Variants in CNGB1 observed in about 807,000 individuals in gnomAD.
The protein encoded by CNGB1 is cyclic nucleotide-gated channel beta-1.
A neutral mutation model predicts 151.7 loss-of-function variants in CNGB1; 126 were observed. That is an observed-to-expected ratio of 0.83 (90% CI 0.72 to 0.96). The LOEUF is 0.96. CNGB1 is among the 40% of genes least tolerant of loss of function. The pLI, the probability that CNGB1 is intolerant of heterozygous loss-of-function variation, is 0.00. For synonymous variants in CNGB1, 623 were observed against 635.1 expected (o/e 0.98, Z 0.29); for missense variants, 1,698 against 1,627.0 (o/e 1.04, Z -0.75).
At chr16:57,899,867 T>C (rs17240980) in intron 29 of CNGB1, among the ~76,000 whole-genome samples, 10,052 of 152,260 alleles carry the variant, frequency 0.066, 395 homozygotes, top group South Asian at 0.12. Context: ...CCGGGGTGTC[T>C]CAGAGAGATC....
At chr16:57,891,791 A>C (rs1272428166) in intron 31 of CNGB1, among the ~76,000 whole-genome samples, 8 of 152,134 alleles carry the variant, frequency 5.3e-5, no homozygotes, top group Non-Finnish European at 8.8e-5. Flanking sequence ...TCCTGACCTC[A>C]GGTGATCCAC....
chr16:57,950,626 C>CTGCAGGGAGCT, intron 12 of CNGB1, 86 bp from the exon 13 acceptor site: 1 of 1,488,820 alleles, frequency 6.7e-7, no homozygotes, highest in Non-Finnish European at 9.3e-7. Context: ...TGCAGGGAGC[C>CTGCAGGGAGCT]CTGGCTGTCG....
At chr16:57,950,645 G>T in intron 12 of CNGB1, 105 bp from the exon 13 acceptor site, 4 of 1,153,428 alleles carry the variant, frequency 3.5e-6, no homozygotes, top group Non-Finnish European at 3.8e-6. Context: ...CGCCAGCAGT[G>T]CCTCAGTGCT....
At chr16:57,915,487 C>A in intron 22 of CNGB1, 152 bp from the exon 23 acceptor site, 1 of 692,352 alleles carries the variant, frequency 1.4e-6, no homozygotes, top group Non-Finnish European at 2.6e-6. Context: ...GGTGTCCCAC[C>A]GACAAGCCCT....
chr16:57,938,735 C>T lies in CNGB1; in HGVS notation c.1372+695G>A, dbSNP rs757785558. On this transcript the variant is annotated intron_variant, in intron 16 of 32. Transcript: ENST00000251102. ...TCACAGAGCGGCTGAAGACCCATTG[C>T]GTGGGGAATGTGGAGTGTAAGGCAC... is the stretch of plus-strand genomic sequence containing the variant. Among the ~76,000 whole-genome samples the T allele has an allele frequency of 4.6e-5, 7 of 152,246 alleles. No homozygotes were observed. The South Asian group carries it at 1.2e-3, about 27-fold the overall frequency.
chr16:57,938,716 A>G (rs1961577353), intron 16 of CNGB1, among the ~76,000 whole-genome samples: 1 of 152,094 alleles, frequency 6.6e-6, no homozygotes, highest in Non-Finnish European at 1.5e-5. Context: ...TGCCTCACAG[A>G]GCGGCTGAAG....
At chr16:57,913,670 A>C (rs1444461643) in intron 23 of CNGB1, among the ~76,000 whole-genome samples, 1 of 152,124 alleles carries the variant, frequency 6.6e-6, no homozygotes, top group Non-Finnish European at 1.5e-5. Flanking sequence ...TTGTAGAGAC[A>C]GAGTCTCACT....
intron 12 of CNGB1, among the ~76,000 whole-genome samples, chr16:57,953,031 C>G (rs116165865): frequency 0.012 from 1,832 of 152,272 alleles, 30 homozygotes; most frequent in African/African-American, 0.041. Flanking sequence ...TCTCTACAGG[C>G]AGCTGATTCA....
At chr16:57,933,042 C>T (rs781132014) in intron 16 of CNGB1, among the ~76,000 whole-genome samples, 5 of 152,114 alleles carry the variant, frequency 3.3e-5, no homozygotes, top group South Asian at 2.1e-4. Flanking sequence ...GTGATCTTCC[C>T]GGCAGCCTCC....
chr16:57,917,649 C>T (rs867595143), intron 20 of CNGB1, among the ~76,000 whole-genome samples, 173 bp from the exon 21 acceptor site: 3 of 146,500 alleles, frequency 2.0e-5, no homozygotes, highest in Non-Finnish European at 3.0e-5. Context: ...CACACACACA[C>T]ATACACACAC....
chr16:57,955,895 C>T (rs1025312449), intron 12 of CNGB1, among the ~76,000 whole-genome samples: 1 of 152,198 alleles, frequency 6.6e-6, no homozygotes, highest in Non-Finnish European at 1.5e-5. Context: ...GGACTTCTGG[C>T]TCCTGAACTG....
At chr16:57,949,275 CAA>C in intron 14 of CNGB1, 76 bp downstream of exon 14, 1 of 1,598,336 alleles carries the variant, frequency 6.3e-7, no homozygotes, top group Non-Finnish European at 8.5e-7. Flanking sequence ...CCATGAGCAG[CAA>C]AGAGTGCCCA....
rs548548999 is a variant in CNGB1 at position 57,883,993 on chromosome 16, C to T, written c.*171G>A. On this transcript the variant is annotated 3_prime_UTR_variant, in exon 33 of 33. Transcript: ENST00000251102. ...GGCCCAGCCCCGCGAGGAGCTGAGT[C>T]GGGGCTGGCGTGCTGGCGGGACGGT... is the stretch of plus-strand genomic sequence containing the variant. 1.8e-5 allele frequency: 16 copies of T among 874,510 alleles called. No homozygotes were observed. The highest frequency in any genetic ancestry group is 1.8e-4 in the African/African-American group (11 of 60,180). 54.2% of individuals were successfully genotyped at this position (874,510 alleles called of 1,614,324 possible).
chr16:57,964,881 T>C (rs1381570856), intron 2 of CNGB1, among the ~76,000 whole-genome samples: 1 of 152,154 alleles, frequency 6.6e-6, no homozygotes, highest in African/African-American at 2.4e-5. Context: ...TTATGAAGCC[T>C]TGGGGCTGGC....
intron 6 of CNGB1, 50 bp downstream of exon 6, chr16:57,962,784 GCAGCCCCT>G (rs1174799606): frequency 5.6e-6 from 9 of 1,604,480 alleles, no homozygotes; most frequent in East Asian, 2.2e-5. Context: ...GCCCATCCCA[GCAGCCCCT>G]CAGCCCCTCA....
intron 18 of CNGB1, 184 bp downstream of exon 18, chr16:57,923,089 T>G: frequency 2.0e-6 from 1 of 496,718 alleles, no homozygotes; most frequent in Admixed American, 3.2e-5. Context: ...CCACTGGATT[T>G]AACAGGACTC....
intron 26 of CNGB1, 51 bp from the exon 27 acceptor site, chr16:57,904,032 G>A (rs1311761989): frequency 7.6e-6 from 12 of 1,570,832 alleles, no homozygotes; most frequent in Admixed American, 6.8e-5. Flanking sequence ...CATTGGGGGT[G>A]GGCGCTATTC....
intron 29 of CNGB1, among the ~76,000 whole-genome samples, chr16:57,900,164 A>G (rs1474038059): frequency 1.3e-5 from 2 of 152,200 alleles, no homozygotes; most frequent in East Asian, 3.9e-4. Flanking sequence ...AGGGCAAGCC[A>G]CTTGCCCAAG....
intron 16 of CNGB1, 46 bp downstream of exon 16, chr16:57,939,384 C>T (rs199619981): frequency 5.6e-6 from 9 of 1,613,008 alleles, no homozygotes; most frequent in African/African-American, 1.3e-5. Flanking sequence ...CCTAAAAGGA[C>T]CTCAGACATT....
Sources: allele counts gnomAD v4.1 joint callset (sites outside exome capture counted in the v4.1 genomes callset), GRCh38; gene constraint gnomAD v4.1.1; transcripts MANE v1.5; gene names NCBI Gene and HGNC (gene_info 2026-07-23, HGNC 2026-07-21).